EVC: variants seen among roughly 807,000 people sequenced by gnomAD.
EVC encodes EvC ciliary complex subunit 1.
A neutral mutation model predicts 118.9 loss-of-function variants in EVC; 116 were observed. The observed-to-expected ratio is 0.98, with a 90% CI of 0.84 to 1.14. The LOEUF is 1.14. Among genes scored for constraint, EVC ranks in the 50% most tolerant of loss-of-function variants. EVC has a pLI of 0.00. For missense variants in EVC, 1,401 were observed against 1,246.4 expected (o/e 1.12, Z -1.87); for synonymous variants, 619 against 534.7 (o/e 1.16, Z -2.18).
intron 1 of EVC, among the ~76,000 whole-genome samples, chr4:5,715,999 C>T (rs1346559530): frequency 1.3e-5 from 2 of 152,214 alleles, no homozygotes; most frequent in Non-Finnish European, 2.9e-5. Flanking sequence ...GCCTCGGCCT[C>T]CCAGAGTGCT....
At chr4:5,796,684 C>G (rs1422445149) in intron 13 of EVC, among the ~76,000 whole-genome samples, 2 of 151,884 alleles carry the variant, frequency 1.3e-5, no homozygotes, top group African/African-American at 4.8e-5. Context: ...ACATGAATCA[C>G]TGAAATAGGA....
chr4:5,732,610 GA>G (rs774946941), intron 4 of EVC, among the ~76,000 whole-genome samples: 1 of 152,236 alleles, frequency 6.6e-6, no homozygotes, highest in Non-Finnish European at 1.5e-5. Context: ...ATGGTCACTT[GA>G]TTTGTCTGAT....
chr4:5,795,032 A>G (rs527531937), intron 13 of EVC, among the ~76,000 whole-genome samples: 2 of 152,202 alleles, frequency 1.3e-5, no homozygotes, highest in Non-Finnish European at 2.9e-5. Context: ...AATGGCTTCC[A>G]GCTGCATCCA....
chr4:5,769,652 C>T (rs1192480176), intron 11 of EVC, among the ~76,000 whole-genome samples: 1 of 152,054 alleles, frequency 6.6e-6, no homozygotes, highest in Non-Finnish European at 1.5e-5. Flanking sequence ...TTCCAGGGGC[C>T]ACACAGCCCA....
downstream of EVC, among the ~76,000 whole-genome samples, chr4:5,818,821 C>T (rs1470195135): frequency 6.6e-6 from 1 of 152,188 alleles, no homozygotes; most frequent in African/African-American, 2.4e-5. Context: ...TTATAAATTA[C>T]CCCATCTCAG....
At chr4:5,783,115 T>C (rs1029856594) in intron 11 of EVC, among the ~76,000 whole-genome samples, 2 of 151,994 alleles carry the variant, frequency 1.3e-5, no homozygotes, top group Non-Finnish European at 2.9e-5. Context: ...GGAGTGTGTC[T>C]ATGTGTGCAA....
chr4:5,759,768 C>G (rs1396664985), intron 11 of EVC, among the ~76,000 whole-genome samples: 1 of 152,136 alleles, frequency 6.6e-6, no homozygotes. Context: ...TGAGACGGGT[C>G]TCAGTTCATT....
At chr4:5,727,503 G>T (rs1367391838) in intron 2 of EVC, among the ~76,000 whole-genome samples, 128 of 152,148 alleles carry the variant, frequency 8.4e-4, no homozygotes, top group African/African-American at 2.8e-3. Flanking sequence ...TTGGGAAAAT[G>T]TTCTCCCATT....
intron 11 of EVC, among the ~76,000 whole-genome samples, chr4:5,759,916 A>G (rs749404277): frequency 2.0e-5 from 3 of 152,176 alleles, no homozygotes; most frequent in African/African-American, 4.8e-5. Flanking sequence ...GGAGACATCA[A>G]TCGGTACATG....
intron 13 of EVC, among the ~76,000 whole-genome samples, chr4:5,796,317 A>G (rs757177763): frequency 3.3e-5 from 5 of 151,930 alleles, no homozygotes; most frequent in Non-Finnish European, 7.4e-5. Context: ...TTTTTAGTTA[A>G]TTCTCGTCTG....
At position 5,746,413 on chromosome 4, in the gene EVC, G is replaced by T. The variant is rs1729360226; in HGVS notation, c.939+1072G>T. Among the ~76,000 whole-genome samples the T allele has an allele frequency of 6.6e-6, 1 of 152,212 alleles. No individual in the cohort carries two copies. The highest frequency in any genetic ancestry group is 2.4e-5 in the African/African-American group (1 of 41,454). ...CAGGTGGGGAGGAGGAGGGGGTCCAGGGTCAGTGCTGCTGAAATAAGCGCC... is the reference window on the plus strand; with the variant it reads ...CAGGTGGGGAGGAGGAGGGGGTCCATGGTCAGTGCTGCTGAAATAAGCGCC... On this transcript the variant is annotated intron_variant, in intron 7 of 20. Coordinates refer to ENST00000264956, the MANE Select transcript of EVC (RefSeq NM_153717.3). The surrounding 1 kb of genome is among the most constrained non-coding windows in gnomAD (Gnocchi z 5.8).
In EVC at chr4:5,753,930, C is replaced by T. The variant is rs1414243707; in HGVS notation, c.1461C>T (p.Leu487=). ...AQPTADPEKF[L]EAFHEVLERQ... ...CGACTGCTGACCCGGAAAAGTTTCT[C>T]GAGGTGACTCACATCCCCAGCCTCT... Residue 487 remains leucine (L), a synonymous_variant, in exon 10 of 21, where the codon CTC becomes CTT. Coordinates refer to ENST00000264956, the MANE Select transcript of EVC (RefSeq NM_153717.3). 8 of 1,612,944 alleles carry T rather than the reference C, an allele frequency of 5.0e-6. No individual in the cohort carries two copies. The highest frequency in any genetic ancestry group is 2.2e-5 in the East Asian group (1 of 44,888).
chr4:5,795,258 C>G (rs147782616), intron 13 of EVC, among the ~76,000 whole-genome samples: 256 of 152,318 alleles, frequency 1.7e-3, no homozygotes, highest in African/African-American at 5.8e-3. Context: ...ATCAATATAA[C>G]TATTTTTTAG....
chr4:5,806,820 C>G (rs1715991840), intron 17 of EVC, among the ~76,000 whole-genome samples: 1 of 152,142 alleles, frequency 6.6e-6, no homozygotes, highest in Non-Finnish European at 1.5e-5. Flanking sequence ...CATAAGTGTT[C>G]CCTTTTCTCC....
intron 5 of EVC, among the ~76,000 whole-genome samples, chr4:5,735,991 G>A (rs1230444661): frequency 2.6e-5 from 4 of 152,116 alleles, no homozygotes; most frequent in Non-Finnish European, 4.4e-5. Context: ...ATGAGCTGGG[G>A]TTCAGAAGTT....
At chr4:5,787,759 C>T (rs951665577) in intron 12 of EVC, among the ~76,000 whole-genome samples, 8 of 152,144 alleles carry the variant, frequency 5.3e-5, no homozygotes, top group Non-Finnish European at 7.3e-5. Context: ...CAGTAAAGAA[C>T]ACCAGTGCTA....
chr4:5,808,312 G>A lies in EVC; in HGVS notation c.2673G>A (p.Leu891=). The part of the protein sequence containing the change: ...AGVMDLLEAQ[L]ETQLQEAEQN... Reference sequence around the variant, plus strand: ...TCATGGACCTTCTGGAAGCCCAGCTGGAGACCCAGCTACAGGTACAAGTTA... The same window carrying A: ...TCATGGACCTTCTGGAAGCCCAGCTAGAGACCCAGCTACAGGTACAAGTTA... The change falls in exon 18 of 21, where the codon CTG becomes CTA. Residue 891 remains leucine (L), a synonymous_variant. Transcript: ENST00000264956. 6.2e-7 allele frequency: 1 copy of A among 1,614,204 alleles called. No homozygotes were observed. The highest frequency in any genetic ancestry group is 1.1e-5 in the South Asian group (1 of 91,084).
the EVC span, chr4:5,825,807 G>A: frequency 1.4e-6 from 1 of 730,350 alleles, no homozygotes; most frequent in East Asian, 3.0e-5. This position sits in a 1 kb window ranked among gnomAD's most constrained non-coding sequence, Gnocchi z 4.4. Flanking sequence ...ACACACGACA[G>A]GTGCACTTCA....
intron 12 of EVC, among the ~76,000 whole-genome samples, chr4:5,788,734 C>G (rs1247663497): frequency 6.6e-6 from 1 of 152,200 alleles, no homozygotes; most frequent in Non-Finnish European, 1.5e-5. Flanking sequence ...GTCAAAACCA[C>G]TCTTGTCTGG....
Sources: gnomAD v4.1 joint callset for allele counts (sites outside exome capture counted in the v4.1 genomes callset) on GRCh38, gnomAD v4.1.1 for gene constraint, Gnocchi (gnomAD v3.1) non-coding constraint, MANE v1.5 for transcripts, NCBI Gene and HGNC (gene_info 2026-07-23, HGNC 2026-07-21) for gene names.